The following GRIA2 variants were observed in gnomAD, a reference collection of about 807,000 sequenced individuals.
GRIA2 encodes glutamate receptor 2.
GRIA2 carries 14 observed loss-of-function variants against 97.3 expected under a neutral mutation model. That is an observed-to-expected ratio of 0.14 (90% CI 0.10 to 0.23). GRIA2 has a LOEUF of 0.23. Among genes scored for constraint, GRIA2 ranks in the 10% least tolerant of loss-of-function variants. The pLI, the probability that GRIA2 is intolerant of heterozygous loss-of-function variation, is 1.00. For missense variants in GRIA2, 558 were observed against 1,069.8 expected (o/e 0.52, Z 6.67); for synonymous variants, 412 against 387.8 (o/e 1.06, Z -0.73).
intron 5 of GRIA2, among the ~76,000 whole-genome samples, chr4:157,320,031 A>G (rs1277483098): frequency 6.6e-6 from 1 of 152,136 alleles, no homozygotes; most frequent in Non-Finnish European, 1.5e-5. Context: ...AAGTTGAAAC[A>G]AATTACCTGA....
At chr4:157,265,101 T>C (rs183101400) in intron 2 of GRIA2, among the ~76,000 whole-genome samples, 71 of 152,248 alleles carry the variant, frequency 4.7e-4, no homozygotes, top group Admixed American at 2.0e-3. Flanking sequence ...GATAGGATAT[T>C]AATAATGTAT....
At chr4:157,351,705 T>C (rs982709574) in intron 12 of GRIA2, among the ~76,000 whole-genome samples, 3 of 152,272 alleles carry the variant, frequency 2.0e-5, no homozygotes, top group African/African-American at 7.2e-5. Context: ...AACTGATTCA[T>C]GGAGGCAGTT....
intron 12 of GRIA2, among the ~76,000 whole-genome samples, chr4:157,355,942 A>ATATATATTTATGTATATTAAT (rs1560781198): frequency 2.7e-4 from 1 of 3,744 alleles, no homozygotes; most frequent in South Asian, 0.017. Flanking sequence ...TTTATATATT[A>ATATATATTTATGTATATTAAT]ATATATATTT....
At chr4:157,325,669 C>T (rs1400925783) in intron 6 of GRIA2, among the ~76,000 whole-genome samples, 1 of 152,154 alleles carries the variant, frequency 6.6e-6, no homozygotes, top group Non-Finnish European at 1.5e-5. Context: ...TTTCTTATCC[C>T]AGTTGATGGC....
intron 11 of GRIA2, among the ~76,000 whole-genome samples, chr4:157,340,514 A>G (rs1735500046): frequency 6.6e-6 from 1 of 152,000 alleles, no homozygotes; most frequent in Non-Finnish European, 1.5e-5. Context: ...TTTATTATAC[A>G]TCAAACTAGA....
intron 2 of GRIA2, among the ~76,000 whole-genome samples, chr4:157,241,708 C>T (rs1730520455): frequency 6.6e-6 from 1 of 152,056 alleles, no homozygotes; most frequent in African/African-American, 2.4e-5. Context: ...TTGAGTGGTT[C>T]TATCTAAATA....
At chr4:157,319,928 A>G (rs1734486161) in intron 5 of GRIA2, among the ~76,000 whole-genome samples, 1 of 152,052 alleles carries the variant, frequency 6.6e-6, no homozygotes, top group Admixed American at 6.6e-5. Flanking sequence ...CAACCTTACT[A>G]CCCTTATAGA....
chr4:157,273,547 AAAAAG>A (rs1403278571), intron 2 of GRIA2, among the ~76,000 whole-genome samples: 1 of 152,140 alleles, frequency 6.6e-6, no homozygotes, highest in Non-Finnish European at 1.5e-5. Context: ...AGAAAGAATA[AAAAAG>A]AAATACTAGA....
chr4:157,332,849 C>G lies in GRIA2; in HGVS notation c.913C>G (p.Gln305Glu). 3.1e-6 allele frequency: 5 copies of G among 1,612,460 alleles called. No homozygotes were observed. Among genetic ancestry groups the G allele is most frequent in the Middle Eastern group, 1.7e-4 (1 of 6,050 alleles). Residue 305 changes from glutamine (Q) to glutamate (E), a missense_variant, in exon 7 of 16, where the codon CAA becomes GAA. By Grantham distance (29) the Gln-to-Glu change is conservative. Coordinates refer to ENST00000264426, the MANE Select transcript of GRIA2 (RefSeq NM_001083619.3). ...TTCTGCTCTGACCTATGATGCCGTT[C>G]AAGTGATGACTGAAGCCTTCCGCAA... is the stretch of plus-strand genomic sequence containing the variant. ...YTSALTYDAV[Q>E]VMTEAFRNLR...
chr4:157,226,261 G>A (rs1729741034), intron 2 of GRIA2, among the ~76,000 whole-genome samples: 2 of 151,908 alleles, frequency 1.3e-5, no homozygotes, highest in Admixed American at 1.3e-4. Context: ...AGAAAATATT[G>A]TTGTTTCATA....
chr4:157,323,184 A>C (rs1281876409), intron 6 of GRIA2, among the ~76,000 whole-genome samples: 1 of 151,454 alleles, frequency 6.6e-6, no homozygotes, highest in Non-Finnish European at 1.5e-5. Flanking sequence ...AAATACAAAA[A>C]ATTAGCCGGG....
rs1736640903 is a variant in GRIA2, at chr4:157,361,760, C to A, written c.2406+636C>A. The A allele has an allele frequency of 8.4e-6, 6 of 716,748 alleles. No individual in the cohort carries two copies. Among genetic ancestry groups the A allele is most frequent in the African/African-American group, 1.8e-5 (1 of 55,918 alleles). 44.4% of individuals were successfully genotyped at this position (716,748 alleles called of 1,614,324 possible). ...ACCCATCTTAAATAGAATGTAAATG[C>A]AAATATGCATGAGATGCATAATTTG... On this transcript the variant is annotated intron_variant, in intron 14 of 15. Transcript: ENST00000264426. This position sits in a 1 kb window ranked among gnomAD's most constrained non-coding sequence, Gnocchi z 5.2.
At chr4:157,298,424 C>A (rs550450440) in intron 2 of GRIA2, among the ~76,000 whole-genome samples, 1 of 151,936 alleles carries the variant, frequency 6.6e-6, no homozygotes, top group South Asian at 2.1e-4. Flanking sequence ...TGAACTATTG[C>A]ATATAAATGA....
At chr4:157,343,090 T>C (rs1265912046) in intron 12 of GRIA2, among the ~76,000 whole-genome samples, 4 of 152,072 alleles carry the variant, frequency 2.6e-5, no homozygotes, top group African/African-American at 4.8e-5. Flanking sequence ...GCTACTCTTT[T>C]GTTTCAGTGC....
Position 157,321,432 on chromosome 4 carries a change from G to A in GRIA2, c.721-6G>A. On this transcript the variant is annotated splice_polypyrimidine_tract_variant and splice_region_variant and intron_variant, in intron 5 of 15. Transcript: ENST00000264426. ...AAAGCGTGATATCAATGTGTTCTAT[G>A]TTTAGGGATTTACTGATGGAGACCT... 1 of 1,601,044 alleles carries A rather than the reference G, an allele frequency of 6.2e-7. No homozygotes were observed. Among genetic ancestry groups the A allele is most frequent in the South Asian group, 1.1e-5 (1 of 89,780 alleles).
At chr4:157,231,273 A>G (rs1224865515) in intron 2 of GRIA2, among the ~76,000 whole-genome samples, 17 of 152,170 alleles carry the variant, frequency 1.1e-4, no homozygotes, top group Admixed American at 1.1e-3. Context: ...TCCTGATCTC[A>G]GGCAATCCGC....
In GRIA2 at chr4:157,303,548, C is replaced by G. The variant is rs983770320; in HGVS notation, c.230-4C>G. 3 of 1,612,536 alleles carry G rather than the reference C, an allele frequency of 1.9e-6. No individual in the cohort carries two copies. The African/African-American group carries it at 4.0e-5, about 22-fold the overall frequency. On this transcript the variant is annotated splice_polypyrimidine_tract_variant and splice_region_variant and intron_variant, in intron 2 of 15. Transcript: ENST00000264426. ...TTTCCTTTCTATTTTTCCTATTCTTCTAGTCTGCTCCCAGTTTTCGAGAGG... is the reference window on the plus strand; with the variant it reads ...TTTCCTTTCTATTTTTCCTATTCTTGTAGTCTGCTCCCAGTTTTCGAGAGG...
chr4:157,239,461 C>T (rs1306226822), intron 2 of GRIA2, among the ~76,000 whole-genome samples: 2 of 151,998 alleles, frequency 1.3e-5, no homozygotes, highest in Admixed American at 1.3e-4. Flanking sequence ...GAACTTGCCT[C>T]TGCCAATTCT....
At chr4:157,235,936 C>A (rs190111055) in intron 2 of GRIA2, among the ~76,000 whole-genome samples, 1 of 151,916 alleles carries the variant, frequency 6.6e-6, no homozygotes, top group Non-Finnish European at 1.5e-5. Context: ...AATGTCAATG[C>A]ATATACCTAT....
Sources: allele counts gnomAD v4.1 joint callset (sites outside exome capture counted in the v4.1 genomes callset), GRCh38; gene constraint gnomAD v4.1.1; non-coding constraint Gnocchi (gnomAD v3.1); transcripts MANE v1.5; gene names NCBI Gene and HGNC (gene_info 2026-07-23, HGNC 2026-07-21).